Variants in SPDYE5 observed in about 807,000 individuals in gnomAD.
SPDYE5 encodes the protein speedy protein E5.
In SPDYE5, 15 loss-of-function variants were observed where a neutral mutation model predicts 48.5. The ratio of observed to expected loss-of-function variants is 0.31; its 90% CI spans 0.21 to 0.48. SPDYE5 has a LOEUF of 0.48. SPDYE5 is among the 20% of genes least tolerant of loss of function. The pLI, the probability that SPDYE5 is intolerant of heterozygous loss-of-function variation, is 0.99. For missense variants in SPDYE5, 331 were observed against 549.1 expected (o/e 0.60, Z 3.97); for synonymous variants, 116 against 200.7 (o/e 0.58, Z 3.57).
intron 1 of SPDYE5, among the ~76,000 whole-genome samples, chr7:75,492,934 C>T (rs2116589610): frequency 6.6e-6 from 1 of 152,184 alleles, no homozygotes; most frequent in East Asian, 1.9e-4. Flanking sequence ...GTAGTTGGAA[C>T]ACAGGTGCCA....
At chr7:75,499,766 CAAAAAAA>C (rs1207603153) in intron 6 of SPDYE5, among the ~76,000 whole-genome samples, 8 of 17,898 alleles carry the variant, frequency 4.5e-4, no homozygotes, top group African/African-American at 1.4e-3. Flanking sequence ...GACTTTTTCT[CAAAAAAA>C]AAAAAAAAAA....
In SPDYE5 at chr7:75,496,752, A is replaced by G; in HGVS notation, c.458A>G (p.Glu153Gly). ...RKMEWWDESE[E>G]SLEEEPRKVL... ...ATGGAGTGGTGGGACGAATCTGAGGAGTCGTTGGAGGAGGAGCCACGGAAG... is the reference window on the plus strand; with the variant it reads ...ATGGAGTGGTGGGACGAATCTGAGGGGTCGTTGGAGGAGGAGCCACGGAAG... The change falls in exon 4 of 9, where the codon GAG becomes GGG. Residue 153 changes from glutamate (E) to glycine (G), a missense_variant. Glu to Gly is a moderately conservative substitution (Grantham distance 98). Coordinates refer to ENST00000625065, the MANE Select transcript of SPDYE5 (RefSeq NM_001306141.4). 1 of 1,586,480 alleles carries G rather than the reference A, an allele frequency of 6.3e-7. No homozygotes were observed. Among genetic ancestry groups the G allele is most frequent in the Non-Finnish European group, 8.5e-7 (1 of 1,174,898 alleles).
At chr7:75,501,330 C>A in intron 6 of SPDYE5, 32 bp from the exon 7 acceptor site, 1 of 1,611,852 alleles carries the variant, frequency 6.2e-7, no homozygotes, top group Non-Finnish European at 8.5e-7. Context: ...CTTGGTGGTG[C>A]CCCTGAGCAG....
intron 3 of SPDYE5, among the ~76,000 whole-genome samples, chr7:75,496,047 G>A (rs1161208140): frequency 2.5e-4 from 38 of 149,514 alleles, no homozygotes; most frequent in Non-Finnish European, 4.3e-4. Context: ...AGGAAGGAAG[G>A]GCCCAGAAGT....
In SPDYE5 at chr7:75,492,371, C is replaced by A. The variant is rs1287502789; in HGVS notation, c.-492C>A. ...ATCTGCTTCCTCTTTCAGTGTGTGC[C>A]TTTTCTATGAGCGAGAGACTCCTAG... On this transcript the variant is annotated 5_prime_UTR_variant, in exon 1 of 9. Transcript: ENST00000625065. Among the ~76,000 whole-genome samples, 10 of 152,062 alleles carry A rather than the reference C, an allele frequency of 6.6e-5. No individual in the cohort carries two copies. Among genetic ancestry groups the A allele is most frequent in the African/African-American group, 2.2e-4 (9 of 41,406 alleles).
Position 75,503,758 on chromosome 7 carries a change from G to T in SPDYE5, c.*971G>T, listed in dbSNP as rs587659365. On this transcript the variant is annotated 3_prime_UTR_variant, in exon 9 of 9. Transcript: ENST00000625065. The stretch of plus-strand genomic sequence containing the variant: ...GTTTATTTTGAAAAACATGGGTATA[G>T]AATTATTTAAATATTATTTTATTTA... The T allele has an allele frequency of 6.7e-6, 1 of 148,938 alleles. No homozygotes were observed. The highest frequency in any genetic ancestry group is 2.4e-5 in the African/African-American group (1 of 40,918). 9.2% of individuals were successfully genotyped at this position (148,938 alleles called of 1,614,324 possible).
Position 75,501,644 on chromosome 7 carries a change from C to T in SPDYE5, c.1038C>T (p.Asn346=). The change falls in exon 7 of 9, where the codon AAC becomes AAT. Residue 346 remains asparagine (N), a synonymous_variant. Transcript: ENST00000625065. ...KRRFQLGRSM[N]LRARKNRSQI... is the part of the protein sequence containing the mutation. ...GGTTCCAGTTAGGCCGTTCCATGAA[C>T]CTGAGGGCCAGGAAGAACCGCTCTC... 1 of 1,613,736 alleles carries T rather than the reference C, an allele frequency of 6.2e-7. No homozygotes were observed. The highest frequency in any genetic ancestry group is 8.5e-7 in the Non-Finnish European group (1 of 1,180,034).
At chr7:75,502,720 T>A (rs1487919909) in intron 8 of SPDYE5, 113 bp from the exon 9 acceptor site, 1 of 1,143,200 alleles carries the variant, frequency 8.7e-7, no homozygotes, top group Non-Finnish European at 1.1e-6. Context: ...AGGCAGCAGA[T>A]AAAATTGCAT....
rs1248933656 is a variant in SPDYE5, at chr7:75,500,850, C to T, written c.756-512C>T. On this transcript the variant is annotated intron_variant, in intron 6 of 8. Transcript: ENST00000625065. ...CAGCCTCCTGAGTAGCTAGGCCTAA[C>T]GGGTGTGCCACCGCACCAGGCTGAT... is the stretch of plus-strand genomic sequence containing the variant. 7.2e-5 allele frequency among the ~76,000 whole-genome samples: 11 copies of T among 152,112 alleles called. 2 individuals are homozygous for T. In the South Asian group the frequency reaches 1.7e-3, roughly 23 times the overall value.
At position 75,494,118 on chromosome 7, in the gene SPDYE5, C is replaced by A. The variant is rs144522241; in HGVS notation, c.71C>A (p.Pro24Gln). ...ITEKITTSRQ[P>Q]QPQNEQSPQR... ...GAAAAGATCACGACCAGCCGTCAAC[C>A]GCAACCCCAGAATGAGCAGAGTCCC... The change falls in exon 2 of 9, where the codon CCG becomes CAG. Residue 24 changes from proline (P) to glutamine (Q), a missense_variant. By Grantham distance (76) the Pro-to-Gln change is moderately conservative (BLOSUM62 -1). This residue lies in a region of SPDYE5 where 67 missense variants were observed against 55.7 expected (regional missense o/e 1.20). Coordinates refer to ENST00000625065, the MANE Select transcript of SPDYE5 (RefSeq NM_001306141.4). 1.3e-6 allele frequency: 2 copies of A among 1,535,272 alleles called. No individual in the cohort carries two copies. Among genetic ancestry groups the A allele is most frequent in the South Asian group, 2.4e-5 (2 of 83,970 alleles).
chr7:75,496,619 C>T (rs1792942807), intron 3 of SPDYE5, 55 bp from the exon 4 acceptor site: 2 of 1,596,986 alleles, frequency 1.3e-6, no homozygotes, highest in South Asian at 2.2e-5. Context: ...TTGGGTTGGG[C>T]TCTAGTGTGA....
chr7:75,494,275 G>C, intron 2 of SPDYE5, 68 bp downstream of exon 2: 4 of 1,522,684 alleles, frequency 2.6e-6, no homozygotes, highest in Non-Finnish European at 3.5e-6. Flanking sequence ...GCCAGGTGCG[G>C]TGGCTCACGC....
In SPDYE5 at chr7:75,501,739, C is replaced by G. The variant is rs369110537; in HGVS notation, c.1133C>G (p.Pro378Arg). The G allele has an allele frequency of 5.9e-5, 84 of 1,419,560 alleles. No homozygotes were observed. Among genetic ancestry groups the G allele is most frequent in the South Asian group, 2.6e-4 (23 of 88,762 alleles). The allele number at this position is 1,419,560 out of a possible 1,614,324, so 87.9% of individuals were successfully genotyped here. The stretch of plus-strand genomic sequence containing the variant: ...ATGAGCGGCAGGGCTTGGGTTTCCC[C>G]GGAGGAGTTGGAGGAGGTAGGTGGG... ...CSMSGRAWVS[P>R]EELEEIQAYD... The change falls in exon 7 of 9, where the codon CCG becomes CGG. Residue 378 changes from proline to arginine, a missense_variant. Transcript: ENST00000625065.
Position 75,499,274 on chromosome 7 carries a change from T to C in SPDYE5, c.713T>C (p.Phe238Ser). Reference protein sequence around the residue: ...MVIAYFSRAGFPSWQYQRIHF... With the variant: ...MVIAYFSRAGSPSWQYQRIHF... ...ATAGCGTATTTCAGCCGGGCCGGCT[T>C]CCCCTCCTGGCAATACCAACGCATT... Residue 238 changes from phenylalanine (F) to serine (S), a missense_variant, in exon 6 of 9, where the codon TTC (phenylalanine) becomes TCC (serine). This residue lies in a region of SPDYE5 where 16 missense variants were observed against 58.2 expected (regional missense o/e 0.27). Transcript: ENST00000625065. 1.4e-6 allele frequency: 2 copies of C among 1,472,122 alleles called. No homozygotes were observed. Among genetic ancestry groups the C allele is most frequent in the Non-Finnish European group, 1.9e-6 (2 of 1,053,300 alleles). 91.2% of individuals were successfully genotyped at this position (1,472,122 alleles called of 1,614,324 possible). A position where few individuals can be genotyped will look rare whatever the true frequency, so the allele number is the denominator to read the frequency against.
chr7:75,499,650 C>A (rs1793068360), intron 6 of SPDYE5, among the ~76,000 whole-genome samples: 1 of 151,042 alleles, frequency 6.6e-6, no homozygotes. Context: ...ATCTGTAATC[C>A]CAGCTACTCG....
chr7:75,502,651 C>T (rs1554483766), intron 8 of SPDYE5, among the ~76,000 whole-genome samples, 182 bp from the exon 9 acceptor site: 2 of 145,214 alleles, frequency 1.4e-5, no homozygotes, highest in African/African-American at 5.5e-5. Flanking sequence ...TTGGAGTCGT[C>T]ACCAAAGTGT....
chr7:75,501,659 G>T lies in SPDYE5; in HGVS notation c.1053G>T (p.Lys351Asn). 6.2e-7 allele frequency: 1 copy of T among 1,613,730 alleles called. No homozygotes were observed. Among genetic ancestry groups the T allele is most frequent in the East Asian group, 2.2e-5 (1 of 44,852 alleles). ...LGRSMNLRAR[K>N]NRSQIVLFQK... ...GTTCCATGAACCTGAGGGCCAGGAA[G>T]AACCGCTCTCAGATAGTCCTGTTCC... is the stretch of plus-strand genomic sequence containing the variant. The change falls in exon 7 of 9, where the codon AAG (lysine) becomes AAT (asparagine). Residue 351 changes from lysine (K) to asparagine (N), a missense_variant. Physicochemically the swap from Lys to Asn is moderately conservative, Grantham distance 94 (BLOSUM62 0). Around this residue, in one of 8 missense-constraint regions of SPDYE5, gnomAD observed 101 missense variants for 104.0 expected, o/e 0.97. Transcript: ENST00000625065.
chr7:75,501,721 G>C lies in SPDYE5; in HGVS notation c.1115G>C (p.Gly372Ala). ...TTCCAGTTCTTCTGTTCCATGAGCG[G>C]CAGGGCTTGGGTTTCCCCGGAGGAG... is the stretch of plus-strand genomic sequence containing the variant. ...RRFQFFCSMS[G>A]RAWVSPEELE... The change falls in exon 7 of 9, where the codon GGC becomes GCC. Residue 372 changes from glycine (G) to alanine (A), a missense_variant. Gly to Ala is a moderately conservative substitution (Grantham distance 60, BLOSUM62 0). Transcript: ENST00000625065. 6.2e-6 allele frequency: 10 copies of C among 1,611,752 alleles called. No homozygotes were observed. Among genetic ancestry groups the C allele is most frequent in the Non-Finnish European group, 8.5e-6 (10 of 1,179,944 alleles).
Position 75,499,060 on chromosome 7 carries a change from C to T in SPDYE5, c.670-171C>T, listed in dbSNP as rs370514375. ...TCCTCTGGCTTCTCGGATTTGCATC[C>T]GACCTTCGAATACCCCTCCATCCCG... On this transcript the variant is annotated intron_variant, in intron 5 of 8. Transcript: ENST00000625065. 3.5e-4 allele frequency among the ~76,000 whole-genome samples: 53 copies of T among 149,664 alleles called. No homozygotes were observed. The East Asian group carries it at 6.7e-3, about 19-fold the overall frequency.
Sources: allele counts gnomAD v4.1 joint callset (sites outside exome capture counted in the v4.1 genomes callset), GRCh38; gene constraint gnomAD v4.1.1; regional missense constraint gnomAD v4.1.1; transcripts MANE v1.5; gene names NCBI Gene and HGNC (gene_info 2026-07-23, HGNC 2026-07-21).